ERCC6L: variants seen among roughly 807,000 people sequenced by gnomAD.
The protein encoded by ERCC6L is DNA excision repair protein ERCC-6-like.
In ERCC6L, 7 loss-of-function variants were observed where a neutral mutation model predicts 20.1. The ratio of observed to expected loss-of-function variants is 0.35; its 90% confidence interval spans 0.20 to 0.65. ERCC6L has a LOEUF of 0.65. Among genes scored for constraint, ERCC6L ranks in the 30% least tolerant of loss-of-function variants. The pLI is 0.69. For missense variants in ERCC6L, 592 were observed against 892.4 expected (o/e 0.66, Z 4.29); for synonymous variants, 278 against 331.3 (o/e 0.84, Z 1.75).
intron 1 of ERCC6L, among the ~76,000 whole-genome samples, chrX:72,232,772 T>G (rs1195389930): frequency 9.0e-6 from 1 of 111,541 alleles, no homozygotes; most frequent in East Asian, 2.8e-4. Context: ...ATCGCGTCAT[T>G]GTACTCCAGC....
chrX:72,206,603 G>T lies in ERCC6L; in HGVS notation c.2164C>A (p.Gln722Lys). Residue 722 changes from glutamine to lysine, a missense_variant, in exon 2 of 2, where the codon CAA becomes AAA. Coordinates refer to ENST00000334463, the MANE Select transcript of ERCC6L (RefSeq NM_017669.4). ...SQNKEFLMEQ[Q>K]RTRNEGAWLR... Reference sequence around the variant, plus strand: ...CAGGCCCCCTCATTTCTAGTTCTTTGTTGTTCCATCAGGAACTCTTTATTT... The same window carrying T: ...CAGGCCCCCTCATTTCTAGTTCTTTTTTGTTCCATCAGGAACTCTTTATTT... The T allele has an allele frequency of 8.3e-7, 1 of 1,211,010 alleles. No individual in the cohort carries two copies. The highest frequency in any genetic ancestry group is 1.1e-6 in the Non-Finnish European group (1 of 895,296).
intron 1 of ERCC6L, among the ~76,000 whole-genome samples, chrX:72,226,819 G>T (rs2042956894): frequency 9.0e-6 from 1 of 111,541 alleles, no homozygotes. Flanking sequence ...ATACTGCTTT[G>T]TACAAAACAA....
At chrX:72,229,364 T>C (rs150552170) in intron 1 of ERCC6L, among the ~76,000 whole-genome samples, 99 of 112,004 alleles carry the variant, frequency 8.8e-4, no homozygotes, top group African/African-American at 2.9e-3. Flanking sequence ...ATGGCCTAAC[T>C]TGTGCTGTGC....
Position 72,238,828 on chromosome X carries a change from A to G in ERCC6L, c.68+16T>C. 8.5e-7 allele frequency: 1 copy of G among 1,179,560 alleles called. No individual in the cohort carries two copies. The highest frequency in any genetic ancestry group is 1.1e-6 in the Non-Finnish European group (1 of 878,642). ...CCAGGTCGGTTAGCTAGACCCGCCC[A>G]GCGGTCCAGACATACCTTAGGTAAT... On this transcript the variant is annotated intron_variant, in intron 1 of 1. Transcript: ENST00000334463.
intron 1 of ERCC6L, among the ~76,000 whole-genome samples, chrX:72,230,780 A>G (rs1189748288): frequency 9.0e-6 from 1 of 111,422 alleles, no homozygotes; most frequent in Non-Finnish European, 1.9e-5. Flanking sequence ...CCTGGGCAAC[A>G]TGGCAAAACC....
intron 1 of ERCC6L, among the ~76,000 whole-genome samples, chrX:72,214,816 A>G (rs2042878666): frequency 9.0e-6 from 1 of 111,549 alleles, no homozygotes; most frequent in Admixed American, 9.6e-5. Context: ...GTGGAACACC[A>G]TCTCTACTAA....
intron 1 of ERCC6L, among the ~76,000 whole-genome samples, chrX:72,209,959 A>T (rs1381164591): frequency 9.0e-6 from 1 of 110,571 alleles, no homozygotes; most frequent in Non-Finnish European, 1.9e-5. Flanking sequence ...TCTAAATCTA[A>T]GGGCTAAACC....
In ERCC6L at chrX:72,239,010, C is replaced by T; in HGVS notation, c.-99G>A. Reference sequence around the variant, plus strand: ...TAGAGTTTGGAGCTTGAATTTCGCTCACTCCCGCCCCGCGCATGCTCTGTG... The same window carrying T: ...TAGAGTTTGGAGCTTGAATTTCGCTTACTCCCGCCCCGCGCATGCTCTGTG... On this transcript the variant is annotated 5_prime_UTR_variant, in exon 1 of 2. Coordinates refer to ENST00000334463, the MANE Select transcript of ERCC6L (RefSeq NM_017669.4). 1 of 828,194 alleles carries T rather than the reference C, an allele frequency of 1.2e-6. No individual in the cohort carries two copies. The highest frequency in any genetic ancestry group is 1.7e-6 in the Non-Finnish European group (1 of 578,672). The allele number at this position is 828,194 out of a possible 1,213,427, so 68.3% of individuals were successfully genotyped here. A position where few individuals can be genotyped will look rare whatever the true frequency, so the allele number is the denominator to read the frequency against.
intron 1 of ERCC6L, among the ~76,000 whole-genome samples, chrX:72,235,123 C>A: frequency 8.9e-6 from 1 of 112,090 alleles, no homozygotes; most frequent in East Asian, 2.8e-4. Context: ...AAAGTATTAT[C>A]TTTTATCTTA....
At chrX:72,219,510 C>T (rs773040141) in intron 1 of ERCC6L, among the ~76,000 whole-genome samples, 131 of 108,651 alleles carry the variant, frequency 1.2e-3, no homozygotes, top group Non-Finnish European at 2.1e-3. Context: ...GCCGAGATTG[C>T]GCCATTGCAC....
At chrX:72,213,613 G>C (rs1042155351) in intron 1 of ERCC6L, among the ~76,000 whole-genome samples, 4 of 112,133 alleles carry the variant, frequency 3.6e-5, no homozygotes, top group Admixed American at 2.8e-4. Flanking sequence ...CAGGGTGTCC[G>C]CTGCGTTTCT....
intron 1 of ERCC6L, among the ~76,000 whole-genome samples, chrX:72,232,685 C>G (rs936225274): frequency 3.0e-4 from 33 of 111,392 alleles, no homozygotes; most frequent in African/African-American, 1.0e-3. Flanking sequence ...TGGCACCCAC[C>G]TGTAATCCCA....
rs1569489617 is a variant in ERCC6L, at chrX:72,205,548, CCT to C, written c.3217_3218del (p.Arg1073ValfsTer9). ...TACTGGGTATTTGAGATGAAAAGAA[CCT>C]TCCTGGTGGACTGATGTCATTTTTG... is the stretch of plus-strand genomic sequence containing the variant. ...TPKNDISPPGRFFSSQIPSSV... is the reference protein window; with the variant it reads ...TPKNDISPPGXFFSSQIPSSV... On this transcript the variant is annotated frameshift_variant, in exon 2 of 2. Coordinates refer to ENST00000334463, the MANE Select transcript of ERCC6L (RefSeq NM_017669.4). LOFTEE classifies it low-confidence loss of function (END_TRUNC). 8.3e-7 allele frequency: 1 copy of C among 1,211,006 alleles called. No individual in the cohort carries two copies. The highest frequency in any genetic ancestry group is 2.2e-5 in the Admixed American group (1 of 45,957).
intron 1 of ERCC6L, among the ~76,000 whole-genome samples, chrX:72,223,824 C>A (rs147374511): frequency 3.0e-4 from 34 of 111,810 alleles, no homozygotes; most frequent in African/African-American, 1.1e-3. Context: ...GGAAGTGTCA[C>A]CCTGAAGTGC....
chrX:72,228,138 A>G (rs1008441600), intron 1 of ERCC6L, among the ~76,000 whole-genome samples: 2 of 112,366 alleles, frequency 1.8e-5, no homozygotes, highest in African/African-American at 6.5e-5. Context: ...GTTCCAGCCA[A>G]TGGAAACTGG....
At position 72,208,555 on chromosome X, in the gene ERCC6L, G is replaced by T. The variant is rs1602437750; in HGVS notation, c.212C>A (p.Ala71Glu). 1 of 1,210,013 alleles carries T rather than the reference G, an allele frequency of 8.3e-7. No homozygotes were observed. Among genetic ancestry groups the T allele is most frequent in the East Asian group, 3.0e-5 (1 of 33,776 alleles). ...TGTAAATTCATCATCTCCCTGTTCTGCCAACTCCTCCAAGGCTTCCTGTAT... is the reference window on the plus strand; with the variant it reads ...TGTAAATTCATCATCTCCCTGTTCTTCCAACTCCTCCAAGGCTTCCTGTAT... ...QKIQEALEEL[A>E]EQGDDEFTDV... Residue 71 changes from alanine to glutamate, a missense_variant, in exon 2 of 2, where the codon GCA becomes GAA. This residue lies in a region of ERCC6L where 44 missense variants were observed against 49.8 expected (regional missense o/e 0.88). Transcript: ENST00000334463.
In ERCC6L at chrX:72,205,010, A is replaced by G. The variant is rs1460478386; in HGVS notation, c.*4T>C. The G allele has an allele frequency of 8.5e-7, 1 of 1,173,304 alleles. No individual in the cohort carries two copies. The highest frequency in any genetic ancestry group is 1.1e-6 in the Non-Finnish European group (1 of 873,585). ...CTTTAAAATACAATAAACAGGTTACATTCTCAATTGTTATTAAGTTGCTTA... is the reference window on the plus strand; with the variant it reads ...CTTTAAAATACAATAAACAGGTTACGTTCTCAATTGTTATTAAGTTGCTTA... On this transcript the variant is annotated 3_prime_UTR_variant, in exon 2 of 2. Coordinates refer to ENST00000334463, the MANE Select transcript of ERCC6L (RefSeq NM_017669.4).
At chrX:72,223,238 G>A (rs1321343279) in intron 1 of ERCC6L, among the ~76,000 whole-genome samples, 2 of 101,291 alleles carry the variant, frequency 2.0e-5, no homozygotes, top group Non-Finnish European at 4.0e-5. Flanking sequence ...TACTTGGGAG[G>A]CTGAAGCAGG....
intron 1 of ERCC6L, among the ~76,000 whole-genome samples, chrX:72,230,661 A>G (rs1221065634): frequency 1.8e-5 from 2 of 111,943 alleles, no homozygotes; most frequent in Non-Finnish European, 3.8e-5. Flanking sequence ...GTACTATTAT[A>G]AATTAGCATG....
Sources: allele counts gnomAD v4.1 joint callset (sites outside exome capture counted in the v4.1 genomes callset), GRCh38; gene constraint gnomAD v4.1.1; regional missense constraint gnomAD v4.1.1; transcripts MANE v1.5; gene names NCBI Gene and HGNC (gene_info 2026-07-23, HGNC 2026-07-21).